CDH18: variants seen among roughly 807,000 people sequenced by gnomAD.
The protein encoded by CDH18 is cadherin-18.
In CDH18, 31 loss-of-function variants were observed where a neutral mutation model predicts 67.9. The ratio of observed to expected loss-of-function variants is 0.46; its 90% CI spans 0.34 to 0.62. The LOEUF (loss-of-function observed/expected upper bound fraction) is 0.62. Ranked by LOEUF, CDH18 falls within the 20% of genes least tolerant of loss-of-function variation. The pLI, the probability that CDH18 is intolerant of heterozygous loss-of-function variation, is 0.01. For missense variants in CDH18, 890 were observed against 975.5 expected (o/e 0.91, Z 1.17); for synonymous variants, 362 against 347.2 (o/e 1.04, Z -0.48).
chr5:19,579,277 C>A (rs958917749), intron 7 of CDH18, among the ~76,000 whole-genome samples: 1 of 151,922 alleles, frequency 6.6e-6, no homozygotes, highest in Admixed American at 6.6e-5. Context: ...GTGAATGGCT[C>A]ACTTTAGGAT....
chr5:20,383,049 T>C (rs1285524036), intron 1 of CDH18, among the ~76,000 whole-genome samples: 1 of 152,098 alleles, frequency 6.6e-6, no homozygotes, highest in Non-Finnish European at 1.5e-5. Flanking sequence ...TGACACAAAC[T>C]ATCTAAAAAT....
chr5:20,172,238 A>ATATATATATGTGTATATATATATG (rs1554098805), intron 2 of CDH18, among the ~76,000 whole-genome samples: 4 of 118,954 alleles, frequency 3.4e-5, no homozygotes, highest in African/African-American at 1.5e-4. Flanking sequence ...ATATATATAT[A>ATATATATATGTGTATATATATATG]TGTATATATA....
intron 1 of CDH18, among the ~76,000 whole-genome samples, chr5:20,384,894 T>A (rs1744190240): frequency 6.6e-6 from 1 of 152,146 alleles, no homozygotes; most frequent in Non-Finnish European, 1.5e-5. Context: ...TGGAGTGCAG[T>A]GGTGTGATCG....
At chr5:20,310,220 G>T (rs1286382465) in intron 1 of CDH18, among the ~76,000 whole-genome samples, 1 of 152,160 alleles carries the variant, frequency 6.6e-6, no homozygotes, top group East Asian at 1.9e-4. Context: ...TTCCAGTAAT[G>T]ATGTTTAAAT....
At chr5:19,978,977 C>T (rs12055025) in intron 2 of CDH18, among the ~76,000 whole-genome samples, 64,840 of 151,952 alleles carry the variant, frequency 0.43, 16,126 homozygotes, top group Middle Eastern at 0.64. Flanking sequence ...TGCTGCCTAC[C>T]ATGCTAGCAT....
intron 5 of CDH18, among the ~76,000 whole-genome samples, chr5:19,624,132 C>T (rs562354026): frequency 4.0e-5 from 6 of 151,828 alleles, no homozygotes; most frequent in Non-Finnish European, 5.9e-5. Flanking sequence ...CTCAGTCTCC[C>T]GAGTAGTTGG....
At chr5:20,053,257 A>G (rs28757602) in intron 2 of CDH18, among the ~76,000 whole-genome samples, 113,848 of 150,674 alleles carry the variant, frequency 0.76, 46,000 homozygotes, top group Non-Finnish European at 0.9. Flanking sequence ...CATACAGTCC[A>G]TATATACATA....
At chr5:19,935,890 G>C (rs1168934275) in intron 2 of CDH18, among the ~76,000 whole-genome samples, 1 of 92,874 alleles carries the variant, frequency 1.1e-5, no homozygotes, top group South Asian at 3.3e-4. Flanking sequence ...TTTTTTTTTT[G>C]TTCCTGATGT....
At chr5:19,675,233 C>T (rs146719594) in intron 5 of CDH18, among the ~76,000 whole-genome samples, 157 of 151,632 alleles carry the variant, frequency 1.0e-3, no homozygotes, top group South Asian at 3.8e-3. Context: ...AGGACTGGGG[C>T]GAAATTAAAA....
At chr5:19,548,163 A>C (rs932661906) in intron 8 of CDH18, among the ~76,000 whole-genome samples, 5 of 152,288 alleles carry the variant, frequency 3.3e-5, no homozygotes, top group African/African-American at 4.8e-5. Context: ...GTATATATCA[A>C]TATTTAGATT....
At chr5:20,196,065 T>G (rs1025666293) in intron 2 of CDH18, among the ~76,000 whole-genome samples, 4 of 152,180 alleles carry the variant, frequency 2.6e-5, no homozygotes, top group African/African-American at 7.2e-5. Context: ...GTTCATCTTC[T>G]AAGTCAATGA....
intron 5 of CDH18, among the ~76,000 whole-genome samples, chr5:19,710,916 G>A (rs1764625541): frequency 6.6e-6 from 1 of 151,860 alleles, no homozygotes; most frequent in African/African-American, 2.4e-5. Context: ...ATAGATCAAA[G>A]AAATATAATA....
chr5:20,276,173 G>C (rs1158295588), intron 1 of CDH18, among the ~76,000 whole-genome samples: 2 of 152,288 alleles, frequency 1.3e-5, no homozygotes, highest in African/African-American at 4.8e-5. Flanking sequence ...AGTGAACATG[G>C]GGGACAAGTG....
chr5:20,471,800 A>C (rs1306526016), intron 1 of CDH18, among the ~76,000 whole-genome samples: 2 of 122,734 alleles, frequency 1.6e-5, no homozygotes, highest in Non-Finnish European at 3.3e-5. Flanking sequence ...ACAGATCAGC[A>C]CTCCAGCCTG....
intron 2 of CDH18, among the ~76,000 whole-genome samples, chr5:20,074,879 G>A (rs909804304): frequency 3.9e-5 from 6 of 152,032 alleles, no homozygotes; most frequent in Non-Finnish European, 8.8e-5. Flanking sequence ...CTTAGAAAAT[G>A]TATTACTTTA....
chr5:19,909,462 G>T (rs972701644), intron 2 of CDH18, among the ~76,000 whole-genome samples: 1 of 151,758 alleles, frequency 6.6e-6, no homozygotes, highest in Non-Finnish European at 1.5e-5. Context: ...ACCACACCTG[G>T]CTAATTTTGT....
chr5:20,537,419 T>C (rs934294588), intron 1 of CDH18, among the ~76,000 whole-genome samples: 2 of 152,094 alleles, frequency 1.3e-5, no homozygotes, highest in African/African-American at 2.4e-5. Context: ...TGGAAAGTAA[T>C]GAGATCTATT....
chr5:19,855,051 A>G (rs1784117642), intron 2 of CDH18, among the ~76,000 whole-genome samples: 1 of 151,944 alleles, frequency 6.6e-6, no homozygotes, highest in Non-Finnish European at 1.5e-5. Context: ...AGTCCCACTC[A>G]TGCTGTTGCA....
chr5:19,688,097 TTAGGAGCC>T (rs2150410506), intron 5 of CDH18, among the ~76,000 whole-genome samples: 1 of 152,272 alleles, frequency 6.6e-6, no homozygotes, highest in East Asian at 1.9e-4. Flanking sequence ...AGCATGCTGC[TTAGGAGCC>T]TAAGGGTTTT....
Sources: allele counts gnomAD v4.1 joint callset (sites outside exome capture counted in the v4.1 genomes callset), GRCh38; gene constraint gnomAD v4.1.1; transcripts MANE v1.5; gene names NCBI Gene and HGNC (gene_info 2026-07-23, HGNC 2026-07-21).